NRG3: variants seen among roughly 807,000 people sequenced by gnomAD.
NRG3 encodes pro-neuregulin-3, membrane-bound isoform.
In NRG3, 31 loss-of-function variants were observed where a neutral mutation model predicts 66.9. That is an observed-to-expected ratio of 0.46 (90% CI 0.35 to 0.63). The LOEUF (loss-of-function observed/expected upper bound fraction) is 0.63. NRG3 is among the 20% of genes least tolerant of loss of function. The pLI, the probability that NRG3 is intolerant of heterozygous loss-of-function variation, is 0.00. For missense variants in NRG3, 910 were observed against 878.9 expected, an observed-to-expected ratio of 1.04 and a Z score of -0.45; for synonymous variants, 393 against 359.4, an observed-to-expected ratio of 1.09 and a Z score of -1.06.
At chr10:82,861,039 G>C (rs975461507) in intron 3 of NRG3, among the ~76,000 whole-genome samples, 2 of 152,042 alleles carry the variant, frequency 1.3e-5, no homozygotes, top group Non-Finnish European at 2.9e-5. Context: ...GTTCTTCATG[G>C]ATTTTCATTA....
At chr10:82,643,908 A>C (rs11195404) in intron 2 of NRG3, among the ~76,000 whole-genome samples, 41 of 18,492 alleles carry the variant, frequency 2.2e-3, no homozygotes, top group Non-Finnish European at 3.2e-3. Flanking sequence ...ACACACCCAC[A>C]CACACACACA....
At chr10:82,018,203 A>G (rs1245765723) in intron 1 of NRG3, among the ~76,000 whole-genome samples, 2 of 152,110 alleles carry the variant, frequency 1.3e-5, no homozygotes, top group Non-Finnish European at 2.9e-5. Context: ...TCCTTTCCCC[A>G]TTGCTTGTTT....
chr10:82,740,853 TA>T (rs1408981517), intron 3 of NRG3, among the ~76,000 whole-genome samples: 3 of 147,750 alleles, frequency 2.0e-5, no homozygotes, highest in Non-Finnish European at 4.5e-5. Context: ...AAAAAAATTA[TA>T]CCTCTCTGAA....
intron 2 of NRG3, among the ~76,000 whole-genome samples, chr10:82,521,025 C>T (rs1462444096): frequency 6.6e-6 from 1 of 152,132 alleles, no homozygotes; most frequent in Non-Finnish European, 1.5e-5. Flanking sequence ...ATACTCAATA[C>T]AGGTACACCT....
intron 2 of NRG3, among the ~76,000 whole-genome samples, chr10:82,654,610 C>T (rs952350319): frequency 3.9e-5 from 6 of 152,088 alleles, no homozygotes; most frequent in Admixed American, 6.5e-5. Flanking sequence ...CATGCCTGTT[C>T]GAAAGTCTCA....
At chr10:82,241,820 C>T (rs2077019356) in intron 1 of NRG3, among the ~76,000 whole-genome samples, 1 of 152,078 alleles carries the variant, frequency 6.6e-6, no homozygotes, top group Non-Finnish European at 1.5e-5. Flanking sequence ...GAAGTCTTTG[C>T]AATATACATA....
chr10:82,821,609 T>C (rs1301980959), intron 3 of NRG3, among the ~76,000 whole-genome samples: 2 of 152,092 alleles, frequency 1.3e-5, no homozygotes, highest in Admixed American at 1.3e-4. Flanking sequence ...TAAGTGACAT[T>C]TATAAGTGGC....
chr10:82,836,190 C>T (rs1353502086), intron 3 of NRG3, among the ~76,000 whole-genome samples: 1 of 152,068 alleles, frequency 6.6e-6, no homozygotes, highest in Admixed American at 6.6e-5. Context: ...AGAGCTACAA[C>T]AGAGTTGAAC....
At chr10:82,069,078 G>C (rs2133307819) in intron 1 of NRG3, among the ~76,000 whole-genome samples, 1 of 152,302 alleles carries the variant, frequency 6.6e-6, no homozygotes, top group African/African-American at 2.4e-5. Context: ...ATCCTGGAAT[G>C]ATATTTCCCA....
At chr10:82,965,118 AC>A (rs200803332) in intron 6 of NRG3, among the ~76,000 whole-genome samples, 2 of 152,342 alleles carry the variant, frequency 1.3e-5, no homozygotes, top group Middle Eastern at 3.4e-3. Flanking sequence ...AACAACAACA[AC>A]AAAAAACACT....
At chr10:82,421,696 A>T (rs72829307) in intron 2 of NRG3, among the ~76,000 whole-genome samples, 1 of 151,840 alleles carries the variant, frequency 6.6e-6, no homozygotes, top group South Asian at 2.1e-4. Context: ...GGTATTAAGA[A>T]CTGGGCTAAG....
chr10:81,970,443 A>G (rs1014631510), intron 1 of NRG3, among the ~76,000 whole-genome samples: 3 of 152,202 alleles, frequency 2.0e-5, no homozygotes, highest in African/African-American at 7.2e-5. Flanking sequence ...TAACTTTAGC[A>G]GTTTTTTAAT....
chr10:82,926,876 T>C (rs976825440), intron 4 of NRG3, among the ~76,000 whole-genome samples: 2 of 152,224 alleles, frequency 1.3e-5, no homozygotes, highest in African/African-American at 2.4e-5. Flanking sequence ...TGGACATCCA[T>C]TGAACATGTC....
At chr10:82,376,294 G>A (rs1242413333) in intron 2 of NRG3, among the ~76,000 whole-genome samples, 1 of 152,212 alleles carries the variant, frequency 6.6e-6, no homozygotes, top group Non-Finnish European at 1.5e-5. Context: ...ATCTCTGTAA[G>A]TGGGACTAAG....
At chr10:81,982,481 A>G (rs1258947881) in intron 1 of NRG3, among the ~76,000 whole-genome samples, 1 of 152,164 alleles carries the variant, frequency 6.6e-6, no homozygotes, top group Non-Finnish European at 1.5e-5. Flanking sequence ...AGCATCCCAC[A>G]TCGTGGTACC....
In NRG3 at chr10:81,946,163, C is replaced by T. The variant is rs187278231; in HGVS notation, c.823+70000C>T. ...TCCTGAGTAGCTGGGATTACAGGCA[C>T]CCGCCACTACGCCCAGCTAAATTTT... On this transcript the variant is annotated intron_variant, in intron 1 of 8. Transcript: ENST00000372141. Among the ~76,000 whole-genome samples, 118 of 152,114 alleles carry T rather than the reference C, an allele frequency of 7.8e-4. 1 individual carries two copies. Among genetic ancestry groups the T allele is most frequent in the African/African-American group, 2.3e-3 (97 of 41,508 alleles).
At chr10:82,616,800 TA>T (rs529810760) in intron 2 of NRG3, among the ~76,000 whole-genome samples, 15 of 152,276 alleles carry the variant, frequency 9.9e-5, no homozygotes, top group African/African-American at 3.1e-4. Context: ...CTTTCAGGCA[TA>T]AGGAAAAGAA....
chr10:82,616,867 A>G (rs1026890066), intron 2 of NRG3, among the ~76,000 whole-genome samples: 1 of 152,210 alleles, frequency 6.6e-6, no homozygotes, highest in Non-Finnish European at 1.5e-5. Flanking sequence ...AGGTACAAAT[A>G]TATTAAATAG....
At chr10:82,433,307 G>A (rs763622430) in intron 2 of NRG3, among the ~76,000 whole-genome samples, 7 of 151,902 alleles carry the variant, frequency 4.6e-5, no homozygotes, top group African/African-American at 1.7e-4. Context: ...TGTTTTGATG[G>A]GGTTGTTTGT....
Sources: gnomAD v4.1 joint callset for allele counts (sites outside exome capture counted in the v4.1 genomes callset) on GRCh38, gnomAD v4.1.1 for gene constraint, MANE v1.5 for transcripts, NCBI Gene and HGNC (gene_info 2026-07-23, HGNC 2026-07-21) for gene names.